The following PRDM11 variants were observed in gnomAD, a reference collection of about 807,000 sequenced individuals.
The protein encoded by PRDM11 is PR/SET domain 11.
Under a neutral mutation model 97.8 loss-of-function variants are expected in PRDM11, and 20 were observed. The observed-to-expected ratio is 0.20, with a 90% confidence interval of 0.14 to 0.30. The LOEUF is 0.30. Among genes scored for constraint, PRDM11 ranks in the 10% least tolerant of loss-of-function variants. The pLI, the probability that PRDM11 is intolerant of heterozygous loss-of-function variation, is 1.00. For synonymous variants in PRDM11, 599 were observed against 637.7 expected (o/e 0.94, Z 0.91); for missense variants, 1,139 against 1,555.2 (o/e 0.73, Z 4.50).
chr11:45,227,261 A>G lies in PRDM11; in HGVS notation c.2636A>G (p.Lys879Arg), dbSNP rs770512108. 1 of 1,533,910 alleles carries G rather than the reference A, an allele frequency of 6.5e-7. No homozygotes were observed. The highest frequency in any genetic ancestry group is 1.2e-5 in the South Asian group (1 of 83,958). The change falls in exon 8 of 8, where the codon AAG (lysine) becomes AGG (arginine). Residue 879 changes from lysine to arginine, a missense_variant. Physicochemically the swap from Lys to Arg is conservative, Grantham distance 26. This residue lies in a region of PRDM11 where 710 missense variants were observed against 1,044.9 expected (regional missense o/e 0.68). Transcript: ENST00000683152. This position sits in a 1 kb window ranked among gnomAD's most constrained non-coding sequence, Gnocchi z 8.0. ...TTCCTCATGGACTACCAGTCCATCA[A>G]GCTCATCTACTTCCTGCTGGACGTG... is the stretch of plus-strand genomic sequence containing the variant. Reference protein sequence around the residue: ...LQFLMDYQSIKLIYFLLDVIA... With the variant: ...LQFLMDYQSIRLIYFLLDVIA...
chr11:45,178,673 C>G (rs1852390600), intron 1 of PRDM11, among the ~76,000 whole-genome samples: 1 of 152,196 alleles, frequency 6.6e-6, no homozygotes, highest in Non-Finnish European at 1.5e-5. Context: ...TGAGAATATG[C>G]TGTGTGCTGG....
At chr11:45,108,422 G>GAA (rs1852102459) in intron 1 of PRDM11, among the ~76,000 whole-genome samples, 5 of 152,196 alleles carry the variant, frequency 3.3e-5, no homozygotes, top group African/African-American at 1.2e-4. Flanking sequence ...TGAGCTTCTG[G>GAA]GGTTAAATAT....
chr11:45,181,504 T>C (rs1481902861), intron 1 of PRDM11, among the ~76,000 whole-genome samples: 1 of 152,214 alleles, frequency 6.6e-6, no homozygotes, highest in Non-Finnish European at 1.5e-5. Flanking sequence ...CCTCCTGGCC[T>C]GAGCTGCTCT....
At chr11:45,183,521 G>C (rs1852594230) in intron 4 of PRDM11, among the ~76,000 whole-genome samples, 1 of 152,184 alleles carries the variant, frequency 6.6e-6, no homozygotes, top group East Asian at 1.9e-4. Context: ...ATCAGGCTCT[G>C]GGCTAGGTGC....
chr11:45,157,246 A>T (rs1004941361), intron 1 of PRDM11, among the ~76,000 whole-genome samples: 1 of 151,894 alleles, frequency 6.6e-6, no homozygotes, highest in African/African-American at 2.4e-5. Flanking sequence ...GTCGGGGAGG[A>T]TGGTTTGGGG....
chr11:45,105,682 C>T (rs940738749), intron 1 of PRDM11, among the ~76,000 whole-genome samples: 12 of 152,232 alleles, frequency 7.9e-5, no homozygotes, highest in Non-Finnish European at 1.6e-4. Context: ...TGGCCCTGGC[C>T]CGCCACCTGG....
rs180860421 is a variant in PRDM11 at position 45,149,404 on chromosome 11, G to C, written c.-7+2527G>C. 5.9e-5 allele frequency among the ~76,000 whole-genome samples: 9 copies of C among 152,314 alleles called. No individual in the cohort carries two copies. The East Asian group carries it at 1.7e-3, about 29-fold the overall frequency. On this transcript the variant is annotated intron_variant, in intron 1 of 7. Coordinates refer to ENST00000683152, the MANE Select transcript of PRDM11 (RefSeq NM_001384648.1). ...CCATACCCCGATCTCTCCTACATAG[G>C]CTGGCCTTTCCTCCTCAAATCCTTG...
At chr11:45,161,246 G>A (rs551676721) in intron 1 of PRDM11, among the ~76,000 whole-genome samples, 2 of 152,354 alleles carry the variant, frequency 1.3e-5, no homozygotes, top group South Asian at 2.1e-4. Flanking sequence ...CTTTCCCAGG[G>A]TGTCTTCTCT....
chr11:45,224,289 A>T lies in PRDM11; in HGVS notation c.815A>T (p.His272Leu), dbSNP rs1201792976. The change falls in exon 7 of 8, where the codon CAT (histidine) becomes CTT (leucine). Residue 272 changes from histidine (H) to leucine (L), a missense_variant. His to Leu is a moderately conservative substitution (Grantham distance 99). Around this residue, in one of 2 missense-constraint regions of PRDM11, gnomAD observed 429 missense variants for 510.3 expected, o/e 0.84. Coordinates refer to ENST00000683152, the MANE Select transcript of PRDM11 (RefSeq NM_001384648.1). Reference protein sequence around the residue: ...DNPEDLRGPIHLSVLRQGKSP... With the variant: ...DNPEDLRGPILLSVLRQGKSP... ...CCAGAAGACCTGAGGGGTCCCATTC[A>T]TCTCTCTGTGCTGAGACAGGGCAAA... 3.7e-6 allele frequency: 6 copies of T among 1,613,972 alleles called. No homozygotes were observed. Among genetic ancestry groups the T allele is most frequent in the Non-Finnish European group, 5.1e-6 (6 of 1,179,998 alleles).
At chr11:45,224,045 G>C (rs578098379) in intron 6 of PRDM11, among the ~76,000 whole-genome samples, 172 bp from the exon 7 acceptor site, 1 of 152,342 alleles carries the variant, frequency 6.6e-6, no homozygotes, top group South Asian at 2.1e-4. Flanking sequence ...TATGAGTCTA[G>C]CTCTGATGGA....
Position 45,230,181 on chromosome 11 carries a change from G to A in PRDM11, c.*2022G>A, listed in dbSNP as rs1854372843. 1 of 151,192 alleles carries A rather than the reference G, an allele frequency of 6.6e-6. No homozygotes were observed. The highest frequency in any genetic ancestry group is 2.4e-5 in the African/African-American group (1 of 41,254). The allele number at this position is 151,192 out of a possible 1,614,324, so 9.4% of individuals were successfully genotyped here. A position where few individuals can be genotyped will look rare whatever the true frequency, so the allele number is the denominator to read the frequency against. On this transcript the variant is annotated 3_prime_UTR_variant, in exon 8 of 8. Transcript: ENST00000683152. ...ATTTTTGTTTGTTTTCAACAGTGAT[G>A]TAGCATGTTAAAAAACAAAAAACAA...
chr11:45,128,507 C>G (rs921597062), intron 1 of PRDM11, among the ~76,000 whole-genome samples: 1 of 150,676 alleles, frequency 6.6e-6, no homozygotes, highest in African/African-American at 2.4e-5. Flanking sequence ...CGCGCACCCC[C>G]CCTCCCCCCG....
rs556619001 is a variant in PRDM11 at position 45,198,725 on chromosome 11, A to G, written c.487-5986A>G. On this transcript the variant is annotated intron_variant, in intron 4 of 7. Coordinates refer to ENST00000683152, the MANE Select transcript of PRDM11 (RefSeq NM_001384648.1). ...AGATTTGCTCAGAGGCAAAGCTGGA[A>G]GTTCAGAGAGGGGCCCAGAAGAGTC... 2.0e-5 allele frequency among the ~76,000 whole-genome samples: 3 copies of G among 152,220 alleles called. 1 individual carries two copies. Among genetic ancestry groups the G allele is most frequent in the Admixed American group, 2.0e-4 (3 of 15,282 alleles).
chr11:45,174,554 C>G (rs1412407536), intron 1 of PRDM11, among the ~76,000 whole-genome samples: 3 of 152,162 alleles, frequency 2.0e-5, no homozygotes, highest in Non-Finnish European at 4.4e-5. Context: ...GTCATTGATT[C>G]ATTCGTTCAT....
chr11:45,210,668 C>T (rs1354311786), intron 5 of PRDM11, among the ~76,000 whole-genome samples: 6 of 152,198 alleles, frequency 3.9e-5, no homozygotes, highest in African/African-American at 1.4e-4. Flanking sequence ...GGCTGGGGCT[C>T]CTGACAGGTG....
intron 1 of PRDM11, among the ~76,000 whole-genome samples, chr11:45,110,955 A>G (rs73464517): frequency 0.018 from 2,620 of 149,566 alleles, 85 homozygotes; most frequent in African/African-American, 0.062. Flanking sequence ...TTTTCTTTCT[A>G]TTTCCACAAC....
intron 4 of PRDM11, among the ~76,000 whole-genome samples, chr11:45,188,258 T>G (rs1471289120): frequency 6.6e-6 from 1 of 152,248 alleles, no homozygotes; most frequent in Non-Finnish European, 1.5e-5. Flanking sequence ...TAATCTCATC[T>G]GATCCTAACA....
At chr11:45,145,474 C>A (rs368702917), upstream of PRDM11, among the ~76,000 whole-genome samples, 2 of 152,232 alleles carry the variant, frequency 1.3e-5, no homozygotes, top group Non-Finnish European at 2.9e-5. Context: ...TGACACGGAA[C>A]TCCTTCCGCC....
chr11:45,195,032 G>A (rs1302511875), intron 4 of PRDM11, among the ~76,000 whole-genome samples: 1 of 151,916 alleles, frequency 6.6e-6, no homozygotes, highest in Non-Finnish European at 1.5e-5. Flanking sequence ...GGCCTCAGAT[G>A]TGAATATCTA....
Sources: gnomAD v4.1 joint callset for allele counts (sites outside exome capture counted in the v4.1 genomes callset) on GRCh38, gnomAD v4.1.1 for gene constraint, gnomAD v4.1.1 regional missense constraint, Gnocchi (gnomAD v3.1) non-coding constraint, MANE v1.5 for transcripts, NCBI Gene and HGNC (gene_info 2026-07-23, HGNC 2026-07-21) for gene names.